Variants in HHAT observed in about 807,000 individuals in gnomAD.
HHAT encodes the protein protein-cysteine N-palmitoyltransferase HHAT.
In HHAT, 47 loss-of-function variants were observed where a neutral mutation model predicts 70.8. The observed-to-expected ratio is 0.66, with a 90% CI of 0.53 to 0.85. The LOEUF (loss-of-function observed/expected upper bound fraction) is 0.85, where lower values mean the gene tolerates loss of function less well. Among genes scored for constraint, HHAT ranks in the 40% least tolerant of loss-of-function variants. The pLI is 0.00. For missense variants in HHAT, 609 were observed against 604.8 expected, an observed-to-expected ratio of 1.01 and a Z score of -0.07; for synonymous variants, 228 against 247.6, an observed-to-expected ratio of 0.92 and a Z score of 0.74.
intron 7 of HHAT, among the ~76,000 whole-genome samples, chr1:210,447,606 C>A (rs2148383014): frequency 1.3e-5 from 2 of 152,294 alleles, no homozygotes; most frequent in Middle Eastern, 3.4e-3. Context: ...TGTCCTGGTT[C>A]AGCAATTTGC....
At chr1:210,373,783 A>G (rs2089799012) in intron 3 of HHAT, among the ~76,000 whole-genome samples, 1 of 152,240 alleles carries the variant, frequency 6.6e-6, no homozygotes, top group Admixed American at 6.5e-5. Flanking sequence ...CTAGGTAGAT[A>G]GATAATAGAA....
chr1:210,614,225 T>C (rs1237013857), intron 10 of HHAT, among the ~76,000 whole-genome samples: 2 of 152,104 alleles, frequency 1.3e-5, no homozygotes, highest in Non-Finnish European at 2.9e-5. Flanking sequence ...TGCTCATTGT[T>C]AGTACATAGA....
chr1:210,670,549 T>G (rs1340171470), intron 11 of HHAT, among the ~76,000 whole-genome samples: 3 of 152,132 alleles, frequency 2.0e-5, no homozygotes, highest in Non-Finnish European at 2.9e-5. Flanking sequence ...ATAAATAGTA[T>G]TCCTCCCGGA....
intron 6 of HHAT, among the ~76,000 whole-genome samples, chr1:210,407,739 C>A (rs7519683): frequency 2.6e-5 from 4 of 152,050 alleles, no homozygotes; most frequent in Non-Finnish European, 2.9e-5. Context: ...ACCAAGTCAG[C>A]GGTGAGACAG....
chr1:210,516,690 T>C (rs1014039516), intron 9 of HHAT, among the ~76,000 whole-genome samples: 1 of 152,136 alleles, frequency 6.6e-6, no homozygotes, highest in African/African-American at 2.4e-5. Context: ...AAGCTCTTAA[T>C]GTGCAGTTTG....
chr1:210,558,932 G>C (rs930401212), intron 9 of HHAT, among the ~76,000 whole-genome samples: 3 of 152,092 alleles, frequency 2.0e-5, no homozygotes, highest in Non-Finnish European at 4.4e-5. Context: ...GGAGTAGTGA[G>C]GAGACTGTGC....
intron 10 of HHAT, among the ~76,000 whole-genome samples, chr1:210,615,936 C>T (rs1667631260): frequency 6.6e-6 from 1 of 152,160 alleles, no homozygotes; most frequent in Non-Finnish European, 1.5e-5. Context: ...AAGCTGCGTG[C>T]TGGGAGAACC....
At chr1:210,554,560 G>A (rs2095556032) in intron 9 of HHAT, among the ~76,000 whole-genome samples, 3 of 152,192 alleles carry the variant, frequency 2.0e-5, no homozygotes, top group Admixed American at 1.3e-4. Context: ...GAGGTGCTGT[G>A]AAAGTGTGCA....
chr1:210,433,287 TA>T (rs2093297227), intron 7 of HHAT, among the ~76,000 whole-genome samples: 1 of 151,744 alleles, frequency 6.6e-6, no homozygotes, highest in Admixed American at 6.6e-5. Context: ...TCAGGTGAAG[TA>T]AAATTTCACA....
At chr1:210,668,176 A>G (rs767191329) in intron 11 of HHAT, among the ~76,000 whole-genome samples, 1 of 152,096 alleles carries the variant, frequency 6.6e-6, no homozygotes, top group Non-Finnish European at 1.5e-5. Flanking sequence ...AATCTCTTGT[A>G]TTTTTACACC....
chr1:210,401,890 GGACGGCTCTGGAC>G (rs2092094177), intron 5 of HHAT, among the ~76,000 whole-genome samples: 1 of 151,336 alleles, frequency 6.6e-6, no homozygotes, highest in African/African-American at 2.5e-5. Context: ...AGCATCCCCT[GGACGGCTCTGGAC>G]TATCTGTTTC....
At chr1:210,503,986 A>G (rs910921361) in intron 8 of HHAT, among the ~76,000 whole-genome samples, 9 of 152,248 alleles carry the variant, frequency 5.9e-5, no homozygotes, top group African/African-American at 2.2e-4. Flanking sequence ...ATATAACACC[A>G]AAAGCATGAT....
chr1:210,434,580 A>G (rs1375096221), intron 7 of HHAT, among the ~76,000 whole-genome samples: 2 of 151,744 alleles, frequency 1.3e-5, no homozygotes, highest in African/African-American at 4.9e-5. Flanking sequence ...GAAAATACAC[A>G]CATCTCTTTC....
intron 8 of HHAT, among the ~76,000 whole-genome samples, chr1:210,510,769 T>G (rs2094939506): frequency 1.3e-5 from 2 of 152,194 alleles, no homozygotes; most frequent in African/African-American, 2.4e-5. Context: ...ACATAGTACT[T>G]GCCACATTCT....
At chr1:210,464,020 T>C (rs1275428398) in intron 7 of HHAT, among the ~76,000 whole-genome samples, 2 of 152,244 alleles carry the variant, frequency 1.3e-5, no homozygotes, top group Non-Finnish European at 2.9e-5. Flanking sequence ...GGGTATCTGA[T>C]ACCTCAAGCG....
chr1:210,446,403 G>C (rs2093635688), intron 7 of HHAT, among the ~76,000 whole-genome samples: 2 of 152,176 alleles, frequency 1.3e-5, no homozygotes, highest in African/African-American at 4.8e-5. Context: ...CTGGATGCTA[G>C]GAATAATGGG....
intron 7 of HHAT, among the ~76,000 whole-genome samples, chr1:210,434,933 C>T (rs1235370123): frequency 6.6e-6 from 1 of 151,748 alleles, no homozygotes; most frequent in Non-Finnish European, 1.5e-5. Context: ...TTCATATAAT[C>T]AGAGTAATTG....
rs1329975624 is a variant in HHAT at position 210,328,940 on chromosome 1, G to A, written c.-208G>A. The stretch of plus-strand genomic sequence containing the variant: ...GGGGCGTGCTCGGAGGACGCGCGCT[G>A]CGCTGCTCCTCCAAAGGGCAGCTCC... On this transcript the variant is annotated 5_prime_UTR_variant, in exon 1 of 12. Transcript: ENST00000261458. The A allele has an allele frequency of 1.7e-6, 2 of 1,147,526 alleles. No individual in the cohort carries two copies. Among genetic ancestry groups the A allele is most frequent in the Non-Finnish European group, 2.2e-6 (2 of 894,820 alleles). 71.1% of individuals were successfully genotyped at this position (1,147,526 alleles called of 1,614,324 possible). A position where few individuals can be genotyped will look rare whatever the true frequency, so the allele number is the denominator to read the frequency against.
chr1:210,536,474 A>G (rs1424586127), intron 9 of HHAT, among the ~76,000 whole-genome samples: 3 of 152,252 alleles, frequency 2.0e-5, no homozygotes, highest in African/African-American at 7.2e-5. Flanking sequence ...GCTCAGCACC[A>G]CATTACTGCT....
Sources: allele counts gnomAD v4.1 joint callset (sites outside exome capture counted in the v4.1 genomes callset), GRCh38; gene constraint gnomAD v4.1.1; transcripts MANE v1.5; gene names NCBI Gene and HGNC (gene_info 2026-07-23, HGNC 2026-07-21).